The following TMEM114 variants were observed in gnomAD, a reference collection of about 807,000 sequenced individuals.
TMEM114 encodes the protein claudin-26.
Under a neutral mutation model 6.2 loss-of-function variants are expected in TMEM114, and 6 were observed. That is an observed-to-expected ratio of 0.97 (90% CI 0.53 to 1.91). TMEM114 has a LOEUF of 1.91. TMEM114 is among the 40% of genes most tolerant of loss of function. The pLI is 0.01. For missense variants in TMEM114, 218 were observed against 158.3 expected, an observed-to-expected ratio of 1.38 and a Z score of -2.02; for synonymous variants, 104 against 73.0, an observed-to-expected ratio of 1.42 and a Z score of -2.16.
chr16:8,555,580 G>C (rs34902789), intron 2 of TMEM114, among the ~76,000 whole-genome samples: 69,188 of 151,740 alleles, frequency 0.46, 16,418 homozygotes, highest in African/African-American at 0.58. Context: ...TTGGTTCCTC[G>C]TCCCAGCTTC....
downstream of TMEM114, among the ~76,000 whole-genome samples, chr16:8,536,069 T>C (rs1266630859): frequency 1.3e-5 from 2 of 152,020 alleles, no homozygotes; most frequent in South Asian, 2.1e-4. Context: ...CTACTAAAAA[T>C]ACAAAATCAG....
intron 2 of TMEM114, among the ~76,000 whole-genome samples, chr16:8,560,357 G>T (rs1386806871): frequency 1.3e-5 from 2 of 152,076 alleles, no homozygotes; most frequent in Non-Finnish European, 2.9e-5. Context: ...TTGTCCATCA[G>T]TGGGAGCGAG....
intron 2 of TMEM114, among the ~76,000 whole-genome samples, chr16:8,548,694 G>GTGTGTATATATA (rs1555461967): frequency 7.1e-6 from 1 of 139,898 alleles, no homozygotes; most frequent in Non-Finnish European, 1.6e-5. Context: ...AAATTGCCAT[G>GTGTGTATATATA]TATATATATA....
intron 2 of TMEM114, among the ~76,000 whole-genome samples, chr16:8,553,745 T>A (rs1430553596): frequency 1.3e-5 from 2 of 152,086 alleles, no homozygotes; most frequent in Admixed American, 1.3e-4. Context: ...CCTCCCAAAG[T>A]GCTGGGATTA....
At chr16:8,575,270 C>T (rs115934265) in intron 2 of TMEM114, among the ~76,000 whole-genome samples, 1 of 152,304 alleles carries the variant, frequency 6.6e-6, no homozygotes, top group South Asian at 2.1e-4. Context: ...TGATCTAGAA[C>T]TTATTAAATT....
chr16:8,578,886 G>A (rs1010871550), intron 2 of TMEM114, among the ~76,000 whole-genome samples: 4 of 152,214 alleles, frequency 2.6e-5, no homozygotes, highest in Middle Eastern at 3.2e-3. Flanking sequence ...GGCTGAGGCA[G>A]GAGAATCGCT....
chr16:8,531,059 G>C, the TMEM114 span, among the ~76,000 whole-genome samples: 4 of 152,068 alleles, frequency 2.6e-5, no homozygotes, highest in African/African-American at 7.2e-5. Flanking sequence ...AAGGGAGGGA[G>C]GGAGGAGTGA....
chr16:8,562,512 CTGAA>C (rs1319179544), intron 2 of TMEM114, among the ~76,000 whole-genome samples: 2 of 20,618 alleles, frequency 9.7e-5, no homozygotes, highest in African/African-American at 4.7e-4. Context: ...AAATGAGTGA[CTGAA>C]TGAGTGAGTT....
At chr16:8,548,250 T>C (rs1468120789) in intron 2 of TMEM114, among the ~76,000 whole-genome samples, 1 of 152,164 alleles carries the variant, frequency 6.6e-6, no homozygotes, top group Non-Finnish European at 1.5e-5. Flanking sequence ...GGACATAATA[T>C]GAGTTCCTGC....
At chr16:8,538,021 G>A (rs1900411508) in intron 2 of TMEM114, among the ~76,000 whole-genome samples, 1 of 151,544 alleles carries the variant, frequency 6.6e-6, no homozygotes, top group Non-Finnish European at 1.5e-5. Flanking sequence ...CCCTGAGACT[G>A]GGCGCCGTGA....
At chr16:8,568,779 G>C (rs1386557029), downstream of TMEM114, among the ~76,000 whole-genome samples, 1 of 152,196 alleles carries the variant, frequency 6.6e-6, no homozygotes. Context: ...ATAGGCTGGA[G>C]AGCTCTTAAA....
rs1377019704 is a variant in TMEM114 at position 8,590,101 on chromosome 16, C to G, written c.-263G>C. 5.6e-6 allele frequency: 2 copies of G among 354,746 alleles called. No homozygotes were observed. 22.0% of individuals were successfully genotyped at this position (354,746 alleles called of 1,614,324 possible). A position where few individuals can be genotyped will look rare whatever the true frequency, so the allele number is the denominator to read the frequency against. ...CTCCAATGCCAGCTCTACCTGCAGA[C>G]CCCCTCACTCTCACTTGTGCTGTCC... On this transcript the variant is annotated 5_prime_UTR_variant, in exon 1 of 4. Transcript: ENST00000620492.
At chr16:8,527,825 T>A in the TMEM114 span, among the ~76,000 whole-genome samples, 2 of 152,164 alleles carry the variant, frequency 1.3e-5, no homozygotes, top group African/African-American at 4.8e-5. Flanking sequence ...GGAGTTTGGG[T>A]CTGTGAGCTA....
the TMEM114 span, among the ~76,000 whole-genome samples, chr16:8,528,838 C>A: frequency 2.0e-5 from 3 of 152,208 alleles, no homozygotes; most frequent in Middle Eastern, 3.2e-3. Flanking sequence ...TCTGAAGACA[C>A]TCCATTACAG....
intron 2 of TMEM114, among the ~76,000 whole-genome samples, chr16:8,585,132 C>A (rs1902280785): frequency 6.6e-6 from 1 of 152,016 alleles, no homozygotes; most frequent in Admixed American, 6.6e-5. Flanking sequence ...GCAGGGGAAC[C>A]CCCTTTATAA....
chr16:8,545,935 C>G (rs1448254478), intron 2 of TMEM114, among the ~76,000 whole-genome samples: 1 of 152,032 alleles, frequency 6.6e-6, no homozygotes, highest in Non-Finnish European at 1.5e-5. Flanking sequence ...GGCAACATAG[C>G]AAGACCCTAT....
At chr16:8,562,554 GCGTC>G (rs1180081334) in intron 2 of TMEM114, among the ~76,000 whole-genome samples, 5 of 85,144 alleles carry the variant, frequency 5.9e-5, no homozygotes, top group Non-Finnish European at 7.9e-5. Context: ...ATGAGTGAGT[GCGTC>G]AATGAGTGAG....
At chr16:8,563,834 T>TGAGG (rs374219413) in intron 2 of TMEM114, among the ~76,000 whole-genome samples, 19 of 116,984 alleles carry the variant, frequency 1.6e-4, no homozygotes, top group East Asian at 2.6e-4. Flanking sequence ...AGTGAATGAG[T>TGAGG]GAGGGAGGGA....
intron 2 of TMEM114, among the ~76,000 whole-genome samples, chr16:8,561,888 GTGAATGAGTAAA>G (rs1216489109): frequency 1.4e-5 from 2 of 142,542 alleles, no homozygotes; most frequent in African/African-American, 2.5e-5. Context: ...GAATGAGTGA[GTGAATGAGTAAA>G]TGAGTGAATG....
Sources: gnomAD v4.1 joint callset for allele counts (sites outside exome capture counted in the v4.1 genomes callset) on GRCh38, gnomAD v4.1.1 for gene constraint, MANE v1.5 for transcripts, NCBI Gene and HGNC (gene_info 2026-07-23, HGNC 2026-07-21) for gene names.